The following PLXDC2 variants were observed in gnomAD, a reference collection of about 807,000 sequenced individuals.
PLXDC2 encodes the protein plexin domain containing 2, also known as plexin domain-containing protein 2.
A neutral mutation model predicts 68.9 loss-of-function variants in PLXDC2; 40 were observed. The observed-to-expected ratio is 0.58, with a 90% CI of 0.45 to 0.76. The LOEUF (loss-of-function observed/expected upper bound fraction) is 0.76, where lower values mean the gene tolerates loss of function less well. PLXDC2 is among the 30% of genes least tolerant of loss of function. PLXDC2 has a pLI of 0.00. For missense variants in PLXDC2, 644 were observed against 661.9 expected (o/e 0.97, Z 0.30); for synonymous variants, 243 against 234.2 (o/e 1.04, Z -0.34).
At chr10:20,219,896 T>C (rs1835187681) in intron 12 of PLXDC2, among the ~76,000 whole-genome samples, 1 of 152,150 alleles carries the variant, frequency 6.6e-6, no homozygotes, top group African/African-American at 2.4e-5. Flanking sequence ...ATTTCTTGAG[T>C]AAGTCAAAAT....
chr10:19,817,544 CT>C (rs1034234217), intron 1 of PLXDC2, among the ~76,000 whole-genome samples: 15 of 152,300 alleles, frequency 9.8e-5, no homozygotes, highest in Admixed American at 3.9e-4. Flanking sequence ...TCTCCGGCTC[CT>C]CCTCCTTCCT....
intron 4 of PLXDC2, among the ~76,000 whole-genome samples, chr10:20,069,801 A>G (rs971285134): frequency 6.6e-6 from 1 of 152,222 alleles, no homozygotes; most frequent in Non-Finnish European, 1.5e-5. Flanking sequence ...ACTGCACTAC[A>G]GCTTGGGCAA....
chr10:20,258,061 G>T (rs1382991636), intron 13 of PLXDC2, among the ~76,000 whole-genome samples: 9 of 141,548 alleles, frequency 6.4e-5, no homozygotes, highest in African/African-American at 2.4e-4. Flanking sequence ...GAGTGCAGTG[G>T]CGCTATCTTG....
intron 4 of PLXDC2, among the ~76,000 whole-genome samples, chr10:20,130,889 G>A (rs1487431516): frequency 1.3e-5 from 2 of 152,078 alleles, no homozygotes; most frequent in African/African-American, 4.8e-5. Context: ...CTATTATTTG[G>A]TAAGGATTTC....
chr10:19,998,757 A>G (rs1321112854), intron 1 of PLXDC2, among the ~76,000 whole-genome samples: 2 of 152,176 alleles, frequency 1.3e-5, no homozygotes, highest in Non-Finnish European at 2.9e-5. Flanking sequence ...ACAGCTGTCA[A>G]TGGTAACAGC....
At chr10:20,030,872 A>G (rs911948053) in intron 2 of PLXDC2, among the ~76,000 whole-genome samples, 1 of 152,168 alleles carries the variant, frequency 6.6e-6, no homozygotes, top group Non-Finnish European at 1.5e-5. Context: ...CCAGTTACCA[A>G]CTTGAGATCT....
At chr10:20,147,346 T>C (rs2131797126) in intron 5 of PLXDC2, among the ~76,000 whole-genome samples, 1 of 152,332 alleles carries the variant, frequency 6.6e-6, no homozygotes, top group Middle Eastern at 3.4e-3. Flanking sequence ...ATTTTAAGTA[T>C]GGAAAAGACA....
At chr10:20,232,646 C>T (rs1298418245) in intron 12 of PLXDC2, among the ~76,000 whole-genome samples, 2 of 152,096 alleles carry the variant, frequency 1.3e-5, no homozygotes, top group African/African-American at 4.8e-5. Flanking sequence ...TAGTATGATT[C>T]AATTTATGTG....
chr10:20,277,196 G>A (rs10828002), intron 13 of PLXDC2, among the ~76,000 whole-genome samples: 31,432 of 117,252 alleles, frequency 0.27, 3,854 homozygotes, highest in African/African-American at 0.34. Context: ...GTGACAGAGC[G>A]AGATTCCATC....
chr10:20,231,035 A>G (rs1835357921), intron 12 of PLXDC2, among the ~76,000 whole-genome samples: 1 of 151,818 alleles, frequency 6.6e-6, no homozygotes, highest in African/African-American at 2.4e-5. Context: ...CTCACCACAC[A>G]CAAAAATGAT....
chr10:20,217,414 TTC>T lies in PLXDC2; in HGVS notation c.1123-8_1123-7del. The T allele has an allele frequency of 6.2e-7, 1 of 1,600,776 alleles. No individual in the cohort carries two copies. The highest frequency in any genetic ancestry group is 8.5e-7 in the Non-Finnish European group (1 of 1,173,740). Reference sequence around the variant, plus strand: ...TCACTCCATTTGTTTTCCTTTTCTTTTCTCTTACTAGTCAAAAGAGAAGATGT... The same window carrying T: ...TCACTCCATTTGTTTTCCTTTTCTTTTCTTACTAGTCAAAAGAGAAGATGT... On this transcript the variant is annotated splice_polypyrimidine_tract_variant and intron_variant, in intron 10 of 13. Transcript: ENST00000377252.
chr10:20,125,811 G>C lies in PLXDC2; in HGVS notation c.542-17484G>C, dbSNP rs548456643. On this transcript the variant is annotated intron_variant, in intron 4 of 13. Transcript: ENST00000377252. ...GGATTAGTTTTAGCCTCATTTTATAGAGGAGATTGCAACTCAACGAGAGTA... is the reference window on the plus strand; with the variant it reads ...GGATTAGTTTTAGCCTCATTTTATACAGGAGATTGCAACTCAACGAGAGTA... 2.6e-5 allele frequency among the ~76,000 whole-genome samples: 4 copies of C among 152,066 alleles called. No individual in the cohort carries two copies. In the South Asian group the frequency reaches 8.3e-4, roughly 32 times the overall value.
chr10:20,077,829 A>C (rs1047873838), intron 4 of PLXDC2, among the ~76,000 whole-genome samples: 13 of 152,236 alleles, frequency 8.5e-5, no homozygotes, highest in Non-Finnish European at 1.8e-4. Context: ...GACAAAATAC[A>C]CAAAGCATAA....
At chr10:20,022,678 T>C (rs1020035445) in intron 2 of PLXDC2, among the ~76,000 whole-genome samples, 6 of 152,082 alleles carry the variant, frequency 3.9e-5, no homozygotes, top group African/African-American at 1.4e-4. Context: ...GCTTGCACGA[T>C]AGCCTCCTCG....
At chr10:20,164,654 T>TAA (rs372373417) in intron 7 of PLXDC2, 87 bp downstream of exon 7, 6 of 886,546 alleles carry the variant, frequency 6.8e-6, no homozygotes, top group African/African-American at 1.7e-5. Context: ...GTACCTGAAT[T>TAA]AAAAAAAAAA....
chr10:20,028,751 T>A (rs1317677481), intron 2 of PLXDC2, among the ~76,000 whole-genome samples: 1 of 152,182 alleles, frequency 6.6e-6, no homozygotes, highest in East Asian at 1.9e-4. Flanking sequence ...GTATGAGCTA[T>A]TATGAGTTTT....
chr10:20,216,254 G>A (rs11011877), intron 10 of PLXDC2, among the ~76,000 whole-genome samples: 110,073 of 152,134 alleles, frequency 0.72, 40,631 homozygotes, highest in African/African-American at 0.82. Context: ...ATTGGAGTTC[G>A]CAGGTACAGG....
At chr10:19,870,490 A>G (rs570810192) in intron 1 of PLXDC2, among the ~76,000 whole-genome samples, 3 of 152,130 alleles carry the variant, frequency 2.0e-5, no homozygotes, top group African/African-American at 4.8e-5. Context: ...CAGTGGCACA[A>G]TCTCACCTCA....
At chr10:20,177,269 C>T in intron 8 of PLXDC2, 59 bp from the exon 9 acceptor site, 4 of 1,439,054 alleles carry the variant, frequency 2.8e-6, no homozygotes. Flanking sequence ...GTTGAGTAAT[C>T]TCTTTCCCCT....
Sources: gnomAD v4.1 joint callset for allele counts (sites outside exome capture counted in the v4.1 genomes callset) on GRCh38, gnomAD v4.1.1 for gene constraint, MANE v1.5 for transcripts, NCBI Gene and HGNC (gene_info 2026-07-23, HGNC 2026-07-21) for gene names.